The following FSTL4 variants were observed in gnomAD, a reference collection of about 807,000 sequenced individuals.
The protein encoded by FSTL4 is follistatin like 4.
FSTL4 carries 28 observed loss-of-function variants against 78.2 expected under a neutral mutation model. The observed-to-expected ratio is 0.36, with a 90% confidence interval of 0.27 to 0.49. The LOEUF is 0.49. Among genes scored for constraint, FSTL4 ranks in the 20% least tolerant of loss-of-function variants. The probability of loss-of-function intolerance (pLI) is 0.98; values close to 1 mark genes in which losing one functional copy is unlikely to be tolerated. For synonymous variants in FSTL4, 422 were observed against 440.5 expected, an observed-to-expected ratio of 0.96 and a Z score of 0.53; for missense variants, 922 against 1,084.9, an observed-to-expected ratio of 0.85 and a Z score of 2.11.
the FSTL4 span, among the ~76,000 whole-genome samples, chr5:133,699,574 A>T: frequency 6.6e-6 from 1 of 152,138 alleles, no homozygotes; most frequent in Admixed American, 6.5e-5. Flanking sequence ...CTGTATAACC[A>T]AAAGCTTCAA....
At chr5:133,346,905 C>A (rs1054616569) in intron 4 of FSTL4, among the ~76,000 whole-genome samples, 2 of 152,098 alleles carry the variant, frequency 1.3e-5, no homozygotes, top group African/African-American at 4.8e-5. Context: ...TTGGTGACTG[C>A]ATTTTTAATT....
chr5:133,597,560 C>A (rs1760763816), intron 2 of FSTL4, among the ~76,000 whole-genome samples: 1 of 152,172 alleles, frequency 6.6e-6, no homozygotes, highest in Admixed American at 6.5e-5. Context: ...TTTCTGTGAA[C>A]TCATAAATGC....
chr5:133,796,043 C>G, the FSTL4 span, among the ~76,000 whole-genome samples: 1 of 152,334 alleles, frequency 6.6e-6, no homozygotes, highest in African/African-American at 2.4e-5. Flanking sequence ...CTCTTCTTAC[C>G]AGCCCCCCTC....
At chr5:133,623,189 A>T in the FSTL4 span, among the ~76,000 whole-genome samples, 1 of 152,036 alleles carries the variant, frequency 6.6e-6, no homozygotes. Context: ...AGAAATTGCA[A>T]GTGTCCCTGA....
chr5:133,644,846 A>G, the FSTL4 span, among the ~76,000 whole-genome samples: 90 of 152,180 alleles, frequency 5.9e-4, 1 homozygote, highest in Non-Finnish European at 1.1e-3. Flanking sequence ...GGTTCTGCCA[A>G]CTGCTTACAC....
At chr5:133,642,013 A>G in the FSTL4 span, among the ~76,000 whole-genome samples, 123 of 151,986 alleles carry the variant, frequency 8.1e-4, no homozygotes, top group Middle Eastern at 6.8e-3. Context: ...TGAGAAATTA[A>G]CTGTCTCTCA....
rs369952850 is a variant in FSTL4, at chr5:133,504,204, T to C, written c.160+62982A>G. ...ATCAATCATTTACCCCCAAAAGACC[T>C]GGTCCTCCCCCCGAAACTCCCTGTA... On this transcript the variant is annotated intron_variant, in intron 3 of 15. Transcript: ENST00000265342. 1.1e-4 allele frequency among the ~76,000 whole-genome samples: 17 copies of C among 152,054 alleles called. No homozygotes were observed. The East Asian group carries it at 1.2e-3, about 10-fold the overall frequency.
chr5:133,827,732 T>C, the FSTL4 span, among the ~76,000 whole-genome samples: 1 of 151,638 alleles, frequency 6.6e-6, no homozygotes, highest in South Asian at 2.1e-4. Context: ...ATTCTGTACA[T>C]TGCACACAAG....
chr5:133,551,411 C>A (rs564996274), intron 3 of FSTL4, among the ~76,000 whole-genome samples: 5 of 152,138 alleles, frequency 3.3e-5, no homozygotes, highest in African/African-American at 1.2e-4. Context: ...AACAATACTG[C>A]GACTCAGAAA....
the FSTL4 span, among the ~76,000 whole-genome samples, chr5:133,742,403 C>G: frequency 6.6e-6 from 1 of 152,180 alleles, no homozygotes; most frequent in Non-Finnish European, 1.5e-5. Context: ...AGAAAAAAAT[C>G]AATGTCCTTC....
intron 6 of FSTL4, among the ~76,000 whole-genome samples, chr5:133,266,384 A>T (rs1043121633): frequency 5.3e-5 from 8 of 152,242 alleles, no homozygotes; most frequent in Non-Finnish European, 8.8e-5. Context: ...TTGTACACGC[A>T]GGGCAATTGT....
the FSTL4 span, among the ~76,000 whole-genome samples, chr5:133,785,465 C>T: frequency 2.6e-5 from 4 of 152,202 alleles, no homozygotes; most frequent in Admixed American, 2.6e-4. Context: ...AGCTCAATGC[C>T]TCTGACCAGT....
chr5:133,840,114 C>T, the FSTL4 span, among the ~76,000 whole-genome samples: 1 of 152,208 alleles, frequency 6.6e-6, no homozygotes, highest in Non-Finnish European at 1.5e-5. Flanking sequence ...CACTCAAAGC[C>T]TCATTACAGG....
intron 6 of FSTL4, among the ~76,000 whole-genome samples, chr5:133,312,173 C>A (rs1005307118): frequency 6.6e-6 from 1 of 152,180 alleles, no homozygotes; most frequent in Non-Finnish European, 1.5e-5. Flanking sequence ...GGATCCCCTG[C>A]CTCTCTTCAC....
At position 133,347,721 on chromosome 5, in the gene FSTL4, A is replaced by G. The variant is rs1754726781; in HGVS notation, c.410-31069T>C. 1.3e-5 allele frequency among the ~76,000 whole-genome samples: 2 copies of G among 152,222 alleles called. 1 individual carries two copies. Among genetic ancestry groups the G allele is most frequent in the South Asian group, 4.1e-4 (2 of 4,832 alleles). Reference sequence around the variant, plus strand: ...TATTTTCCTTTTCTTAGTCCTCAAGAGGACCTTGAATAAGACAATGATTAA... The same window carrying G: ...TATTTTCCTTTTCTTAGTCCTCAAGGGGACCTTGAATAAGACAATGATTAA... On this transcript the variant is annotated intron_variant, in intron 4 of 15. Transcript: ENST00000265342.
intron 4 of FSTL4, among the ~76,000 whole-genome samples, chr5:133,389,091 C>A (rs931073836): frequency 1.3e-5 from 2 of 152,140 alleles, no homozygotes; most frequent in Admixed American, 6.5e-5. Context: ...TTTCAGAGTT[C>A]ATGTTTTCTT....
intron 3 of FSTL4, among the ~76,000 whole-genome samples, chr5:133,533,335 C>T (rs922184127): frequency 6.6e-6 from 1 of 152,170 alleles, no homozygotes; most frequent in Non-Finnish European, 1.5e-5. Flanking sequence ...CCTCAAACTC[C>T]CTGGAATCAG....
chr5:133,784,930 G>A, the FSTL4 span, among the ~76,000 whole-genome samples: 1 of 152,168 alleles, frequency 6.6e-6, no homozygotes, highest in African/African-American at 2.4e-5. Flanking sequence ...AGTAGGTTCA[G>A]CCGCATCATC....
the FSTL4 span, among the ~76,000 whole-genome samples, chr5:133,621,264 T>A: frequency 6.6e-6 from 1 of 152,034 alleles, no homozygotes; most frequent in African/African-American, 2.4e-5. Flanking sequence ...GCTGGGCGTG[T>A]TGGCATGTGC....
Sources: allele counts gnomAD v4.1 joint callset (sites outside exome capture counted in the v4.1 genomes callset), GRCh38; gene constraint gnomAD v4.1.1; transcripts MANE v1.5; gene names NCBI Gene and HGNC (gene_info 2026-07-23, HGNC 2026-07-21).